LRP3: variants seen among roughly 807,000 people sequenced by gnomAD.
The protein encoded by LRP3 is low-density lipoprotein receptor-related protein 3.
A neutral mutation model predicts 58.5 loss-of-function variants in LRP3; 49 were observed. That is an observed-to-expected ratio of 0.84 (90% CI 0.67 to 1.06). The LOEUF (loss-of-function observed/expected upper bound fraction) is 1.06. Among genes scored for constraint, LRP3 ranks in the 50% least tolerant of loss-of-function variants. LRP3 has a pLI of 0.00. For synonymous variants in LRP3, 485 were observed against 492.2 expected, an observed-to-expected ratio of 0.99 and a Z score of 0.20; for missense variants, 1,019 against 1,134.2, an observed-to-expected ratio of 0.90 and a Z score of 1.46.
At chr19:33,206,430 G>A in intron 5 of LRP3, 68 bp downstream of exon 5, 1 of 1,596,840 alleles carries the variant, frequency 6.3e-7, no homozygotes, top group South Asian at 1.1e-5. Context: ...CCCCGTAGCT[G>A]TGGGTTTGCA....
rs1448026335 is a variant in LRP3, at chr19:33,205,742, G to A, written c.972G>A (p.Thr324=). 5 of 1,596,918 alleles carry A rather than the reference G, an allele frequency of 3.1e-6. No individual in the cohort carries two copies. Among genetic ancestry groups the A allele is most frequent in the Admixed American group, 1.7e-5 (1 of 58,714 alleles). Residue 324 remains threonine, a synonymous_variant, in exon 5 of 7, where the codon ACG becomes ACA. Transcript: ENST00000253193. ...AGCGCGGGGACCGCCTGCTGCAGAC[G>A]CTGTCCTACCGCAGCAACCACCGGC... ...LGERGDRLLQ[T]LSYRSNHRPV...
At chr19:33,206,759 C>T (rs780436737) in intron 6 of LRP3, 26 bp downstream of exon 6, 8 of 1,504,686 alleles carry the variant, frequency 5.3e-6, no homozygotes, top group Middle Eastern at 3.6e-4. Flanking sequence ...GCGTGAGGCC[C>T]CTCCGGGGCC....
chr19:33,207,710 C>T lies in LRP3; in HGVS notation c.*135C>T. 2.9e-6 allele frequency: 2 copies of T among 679,390 alleles called. No homozygotes were observed. The highest frequency in any genetic ancestry group is 1.8e-5 in the South Asian group (1 of 54,492). The allele number at this position is 679,390 out of a possible 1,614,324, so 42.1% of individuals were successfully genotyped here. Reference sequence around the variant, plus strand: ...CCAGCGGAGGGGCTGGCCCCTAAGCCAGCTGGCTGCACTGGTGGGCGGGAG... The same window carrying T: ...CCAGCGGAGGGGCTGGCCCCTAAGCTAGCTGGCTGCACTGGTGGGCGGGAG... On this transcript the variant is annotated 3_prime_UTR_variant, in exon 7 of 7. Transcript: ENST00000253193.
Position 33,206,349 on chromosome 19 carries a change from A to C in LRP3, c.1579A>C (p.Thr527Pro), listed in dbSNP as rs765071117. 2 of 1,604,274 alleles carry C rather than the reference A, an allele frequency of 1.2e-6. No homozygotes were observed. Among genetic ancestry groups the C allele is most frequent in the Non-Finnish European group, 1.7e-6 (2 of 1,177,900 alleles). ...GCAFKLYSLR[T>P]QEYRAFETQM... is the part of the protein sequence containing the mutation. ...CGCCTTCAAGCTCTACTCACTGCGC[A>C]CGCAGGAATACAGGTGGGCGCTGTG... Residue 527 changes from threonine to proline, a missense_variant, in exon 5 of 7, where the codon ACG (threonine) becomes CCG (proline). Transcript: ENST00000253193.
In LRP3 at chr19:33,205,230, C is replaced by T. The variant is rs77775978; in HGVS notation, c.476-16C>T. 0.02 allele frequency: 32,288 copies of T among 1,600,836 alleles called. 949 individuals carry two copies. The highest frequency in any genetic ancestry group is 0.16 in the East Asian group (7,237 of 43,984). On this transcript the variant is annotated splice_polypyrimidine_tract_variant and intron_variant, in intron 4 of 6. Coordinates refer to ENST00000253193, the MANE Select transcript of LRP3 (RefSeq NM_002333.4). ...TCTGTCTCCTGACTGTCCCCTGCTACGTCTCCACCCCACAGGGAAGCTGGG... is the reference window on the plus strand; with the variant it reads ...TCTGTCTCCTGACTGTCCCCTGCTATGTCTCCACCCCACAGGGAAGCTGGG...
In LRP3 at chr19:33,205,473, G is replaced by A. The variant is rs1974392057; in HGVS notation, c.703G>A (p.Asp235Asn). Residue 235 changes from aspartate (D) to asparagine (N), a missense_variant, in exon 5 of 7, where the codon GAC becomes AAC. Transcript: ENST00000253193. ...CTGCCTGCCTGTGGAGCGGCGCTGT[G>A]ACGGCTTGCAGGACTGCGGCGACGG... ...TRCLPVERRCDGLQDCGDGSD... is the reference protein window; with the variant it reads ...TRCLPVERRCNGLQDCGDGSD... The A allele has an allele frequency of 1.3e-6, 2 of 1,585,304 alleles. No individual in the cohort carries two copies. Among genetic ancestry groups the A allele is most frequent in the Non-Finnish European group, 1.7e-6 (2 of 1,167,876 alleles).
chr19:33,202,659 C>T (rs1974352806), intron 2 of LRP3, among the ~76,000 whole-genome samples, 189 bp from the exon 3 acceptor site: 2 of 152,158 alleles, frequency 1.3e-5, no homozygotes, highest in African/African-American at 4.8e-5. Flanking sequence ...TCTAGGGGGC[C>T]CTCCTTGGCC....
Position 33,207,178 on chromosome 19 carries a change from T to C in LRP3, c.1916T>C (p.Phe639Ser). 6.5e-7 allele frequency: 1 copy of C among 1,548,726 alleles called. No individual in the cohort carries two copies. The highest frequency in any genetic ancestry group is 8.7e-7 in the Non-Finnish European group (1 of 1,151,868). Residue 639 changes from phenylalanine to serine, a missense_variant, in exon 7 of 7, where the codon TTC becomes TCC. By Grantham distance (155) the Phe-to-Ser change is radical. Transcript: ENST00000253193. ...TCACAGACCGTGCTGGGCGATGGCTTCCTCCAGCCTGCTCCAGGGGCTGCC... is the reference window on the plus strand; with the variant it reads ...TCACAGACCGTGCTGGGCGATGGCTCCCTCCAGCCTGCTCCAGGGGCTGCC... ...RPSQTVLGDG[F>S]LQPAPGAAPD...
chr19:33,198,615 G>T (rs867108884), intron 2 of LRP3, among the ~76,000 whole-genome samples: 33 of 152,280 alleles, frequency 2.2e-4, no homozygotes, highest in Middle Eastern at 3.4e-3. Context: ...GCTCCAGAGG[G>T]TCTAGCAGGG....
chr19:33,204,343 G>A, intron 3 of LRP3: 1 of 431,686 alleles, frequency 2.3e-6, no homozygotes. Context: ...TCGGGCTGGG[G>A]GTACTGTGTG....
chr19:33,198,007 A>G (rs555182661), intron 2 of LRP3, among the ~76,000 whole-genome samples: 21 of 152,118 alleles, frequency 1.4e-4, no homozygotes, highest in Admixed American at 3.3e-4. Flanking sequence ...GGTCCACACA[A>G]CTGATGGAGG....
intron 2 of LRP3, among the ~76,000 whole-genome samples, chr19:33,199,259 T>C (rs1050397808): frequency 4.5e-4 from 68 of 152,238 alleles, no homozygotes; most frequent in East Asian, 5.8e-4. Context: ...CCCCTCCTCA[T>C]TGGCAACCCC....
At chr19:33,203,182 G>A (rs1026200961) in intron 3 of LRP3, among the ~76,000 whole-genome samples, 196 bp downstream of exon 3, 2 of 152,134 alleles carry the variant, frequency 1.3e-5, no homozygotes, top group African/African-American at 2.4e-5. Context: ...ACAGGTGTAT[G>A]GGTGTGTGCA....
Position 33,207,153 on chromosome 19 carries a change from TCA to T in LRP3, c.1894_1895del (p.Gln632AspfsTer132). 1 of 1,536,596 alleles carries T rather than the reference TCA, an allele frequency of 6.5e-7. No individual in the cohort carries two copies. The highest frequency in any genetic ancestry group is 8.7e-7 in the Non-Finnish European group (1 of 1,145,362). On this transcript the variant is annotated frameshift_variant, in exon 7 of 7. Coordinates refer to ENST00000253193, the MANE Select transcript of LRP3 (RefSeq NM_002333.4). LOFTEE classifies it low-confidence loss of function (END_TRUNC). ...QIPLLTAARP[S>X]QTVLGDGFLQ... ...CCCACTGCTGACCGCAGCACGCCCC[TCA>T]CAGACCGTGCTGGGCGATGGCTTCC... is the stretch of plus-strand genomic sequence containing the variant.
At chr19:33,194,976 G>T (rs1201205135) in intron 1 of LRP3, 118 bp downstream of exon 1, 4 of 358,494 alleles carry the variant, frequency 1.1e-5, no homozygotes, top group Non-Finnish European at 1.6e-5. Flanking sequence ...GGTGGCTCCC[G>T]CGCGGAGACC....
rs1974265700 is a variant in LRP3, at chr19:33,194,695, G to GCCGCAGCCAGAGCCAGAGCCGGAA, written c.-68_-67insACCGCAGCCAGAGCCAGAGCCGGA. The GCCGCAGCCAGAGCCAGAGCCGGAA allele has an allele frequency of 5.9e-6, 2 of 341,758 alleles. No homozygotes were observed. The highest frequency in any genetic ancestry group is 1.3e-4 in the Admixed American group (2 of 15,414). 21.2% of individuals were successfully genotyped at this position (341,758 alleles called of 1,614,324 possible). The stretch of plus-strand genomic sequence containing the variant: ...AGCCCTAGCCCGAGCCCGAGCCCGA[G>GCCGCAGCCAGAGCCAGAGCCGGAA]CCGCAGCCAGAGCCAGAGCCGGAGC... On this transcript the variant is annotated 5_prime_UTR_variant, in exon 1 of 7. Coordinates refer to ENST00000253193, the MANE Select transcript of LRP3 (RefSeq NM_002333.4).
chr19:33,202,827 C>T (rs1974354769), intron 2 of LRP3, 21 bp from the exon 3 acceptor site: 7 of 1,592,666 alleles, frequency 4.4e-6, no homozygotes, highest in South Asian at 1.1e-5. Flanking sequence ...GCCGGCCTTT[C>T]TCGGCCTCCT....
Position 33,194,369 on chromosome 19 carries a change from G to A in LRP3, c.-417G>A, listed in dbSNP as rs1974261411. 6.9e-6 allele frequency among the ~76,000 whole-genome samples: 1 copy of A among 145,606 alleles called. No homozygotes were observed. Among genetic ancestry groups the A allele is most frequent in the Admixed American group, 6.8e-5 (1 of 14,696 alleles). ...CGCTCTACCGGCGGCACCCGGCCGG[G>A]CGGGCTGGGCGCAGCGCGGGGCGGC... is the stretch of plus-strand genomic sequence containing the variant. On this transcript the variant is annotated 5_prime_UTR_variant, in exon 1 of 7. Coordinates refer to ENST00000253193, the MANE Select transcript of LRP3 (RefSeq NM_002333.4).
At position 33,205,666 on chromosome 19, in the gene LRP3, A is replaced by C. The variant is rs746650964; in HGVS notation, c.896A>C (p.Glu299Ala). ...TCCCGGCGGGTGCTGCTGCAGCTGG[A>C]ACTGCGGCTGGGCTATGACGACTAC... ...QDSRRVLLQL[E>A]LRLGYDDYVQ... is the part of the protein sequence containing the mutation. Residue 299 changes from glutamate (E) to alanine (A), a missense_variant, in exon 5 of 7, where the codon GAA becomes GCA. This residue lies in a region of LRP3 where 592 missense variants were observed against 725.5 expected (regional missense o/e 0.82). Transcript: ENST00000253193. 2.5e-6 allele frequency: 4 copies of C among 1,609,108 alleles called. No homozygotes were observed. In the South Asian group the frequency reaches 3.3e-5, roughly 13 times the overall value.
Sources: gnomAD v4.1 joint callset for allele counts (sites outside exome capture counted in the v4.1 genomes callset) on GRCh38, gnomAD v4.1.1 for gene constraint, gnomAD v4.1.1 regional missense constraint, MANE v1.5 for transcripts, NCBI Gene and HGNC (gene_info 2026-07-23, HGNC 2026-07-21) for gene names.